The following C1orf159 variants were observed in gnomAD, a reference collection of about 807,000 sequenced individuals.
The protein encoded by C1orf159 is chromosome 1 open reading frame 159.
A neutral mutation model predicts 25.6 loss-of-function variants in C1orf159; 19 were observed. The observed-to-expected ratio is 0.74, with a 90% CI of 0.52 to 1.09. The LOEUF (loss-of-function observed/expected upper bound fraction) is 1.09, where lower values mean the gene tolerates loss of function less well. Ranked by LOEUF, C1orf159 falls within the 50% of genes least tolerant of loss-of-function variation. C1orf159 has a pLI of 0.00. For synonymous variants in C1orf159, 139 were observed against 124.7 expected, an observed-to-expected ratio of 1.12 and a Z score of -0.77; for missense variants, 274 against 290.6, an observed-to-expected ratio of 0.94 and a Z score of 0.42.
intron 1 of C1orf159, among the ~76,000 whole-genome samples, chr1:1,105,300 G>A (rs369784678): frequency 1.6e-4 from 24 of 151,682 alleles, no homozygotes; most frequent in African/African-American, 5.3e-4. Flanking sequence ...CTGGAGGATC[G>A]CTTGAGGGCA....
chr1:1,096,656 G>C (rs1447197659), intron 1 of C1orf159, among the ~76,000 whole-genome samples: 1 of 152,208 alleles, frequency 6.6e-6, no homozygotes, highest in African/African-American at 2.4e-5. Context: ...CTTTTGACAA[G>C]TTATATTCTT....
chr1:1,088,072 G>A (rs2100745071), intron 4 of C1orf159, among the ~76,000 whole-genome samples: 1 of 151,692 alleles, frequency 6.6e-6, no homozygotes, highest in Middle Eastern at 3.4e-3. Context: ...TGCAGGCTGG[G>A]CCCGGCTTCC....
chr1:1,104,590 G>A (rs572161351), intron 1 of C1orf159, among the ~76,000 whole-genome samples: 2 of 152,310 alleles, frequency 1.3e-5, no homozygotes, highest in Admixed American at 1.3e-4. Flanking sequence ...GTTTCTAGAC[G>A]GTGGGCGCTG....
intron 6 of C1orf159, among the ~76,000 whole-genome samples, chr1:1,086,446 C>T (rs1645831939): frequency 6.6e-6 from 1 of 152,224 alleles, no homozygotes; most frequent in Admixed American, 6.5e-5. Context: ...TCCTGCACCC[C>T]ACTCACCTCC....
intron 9 of C1orf159, chr1:1,083,630 G>A: frequency 2.1e-6 from 1 of 473,346 alleles, no homozygotes; most frequent in Non-Finnish European, 3.8e-6. Flanking sequence ...TGAACTCTAG[G>A]ATAGTCAGAT....
At chr1:1,091,948 C>A (rs1262955814) in intron 2 of C1orf159, 43 bp downstream of exon 2, 2 of 455,510 alleles carry the variant, frequency 4.4e-6, no homozygotes, top group South Asian at 3.2e-5. Flanking sequence ...AGGCTTGGGG[C>A]CTTTGGAGGC....
At chr1:1,090,985 T>C in intron 3 of C1orf159, 3 of 1,548,822 alleles carry the variant, frequency 1.9e-6, no homozygotes, top group Non-Finnish European at 2.6e-6. Context: ...TCTCGTGACC[T>C]GAATGCAGTG....
chr1:1,091,044 C>G, intron 3 of C1orf159: 2 of 1,377,982 alleles, frequency 1.5e-6, no homozygotes, highest in Non-Finnish European at 2.0e-6. Flanking sequence ...ATAGAATCCA[C>G]ACCGCCAGGG....
At chr1:1,102,621 A>T (rs1472216477) in intron 1 of C1orf159, among the ~76,000 whole-genome samples, 21 of 83,430 alleles carry the variant, frequency 2.5e-4, no homozygotes, top group East Asian at 3.4e-4. Context: ...TACTAAAAAA[A>T]AAAAAAAAAA....
intron 1 of C1orf159, among the ~76,000 whole-genome samples, chr1:1,096,888 T>C (rs1184765824): frequency 6.6e-6 from 1 of 152,100 alleles, no homozygotes; most frequent in Non-Finnish European, 1.5e-5. Context: ...CACACCTGGC[T>C]AATTTTTTGA....
rs564550849 is a variant in C1orf159 at position 1,088,507 on chromosome 1, C to T, written c.149-910G>A. Among the ~76,000 whole-genome samples the T allele has an allele frequency of 2.1e-4, 32 of 150,632 alleles. 1 individual carries two copies. The highest frequency in any genetic ancestry group is 7.3e-4 in the African/African-American group (30 of 40,908). On this transcript the variant is annotated intron_variant, in intron 4 of 9. Coordinates refer to ENST00000421241, the MANE Select transcript of C1orf159 (RefSeq NM_017891.5). ...TGTCACCTCCACACCCTGGCACCCTCCCCCGGGTCTCTCTCGGGGGATCCT... is the reference window on the plus strand; with the variant it reads ...TGTCACCTCCACACCCTGGCACCCTTCCCCGGGTCTCTCTCGGGGGATCCT...
intron 1 of C1orf159, among the ~76,000 whole-genome samples, chr1:1,095,363 G>A (rs1645996604): frequency 6.6e-6 from 1 of 152,178 alleles, no homozygotes; most frequent in African/African-American, 2.4e-5. Flanking sequence ...TCTCAGCAGT[G>A]TTTATAGTTT....
Position 1,091,565 on chromosome 1 carries a change from C to T in C1orf159, c.-22G>A. The T allele has an allele frequency of 6.5e-7, 1 of 1,546,570 alleles. No homozygotes were observed. The highest frequency in any genetic ancestry group is 8.7e-7 in the Non-Finnish European group (1 of 1,145,228). ...CCATGCCAGGAGCAGATGCGCAGAG[C>T]CTGCCACAGGGAGGAGCATGCGGAG... is the stretch of plus-strand genomic sequence containing the variant. On this transcript the variant is annotated splice_region_variant and 5_prime_UTR_variant, in exon 3 of 10. Transcript: ENST00000421241.
chr1:1,114,994 AAAC>A, intron 1 of C1orf159: 1 of 152,342 alleles, frequency 6.6e-6, no homozygotes, highest in Non-Finnish European at 1.5e-5. Context: ...CCAAGTAACC[AAAC>A]ACCACCTGTA....
Position 1,082,722 on chromosome 1 carries a change from G to C in C1orf159, c.*171C>G. Reference sequence around the variant, plus strand: ...CTGTGGTGGGGAGGAGCCTCAGGCGGCCCGGGACCCTTTGGCGTCCGTCGC... The same window carrying C: ...CTGTGGTGGGGAGGAGCCTCAGGCGCCCCGGGACCCTTTGGCGTCCGTCGC... On this transcript the variant is annotated 3_prime_UTR_variant, in exon 10 of 10. Transcript: ENST00000421241. 1.6e-6 allele frequency: 1 copy of C among 634,818 alleles called. No individual in the cohort carries two copies. The highest frequency in any genetic ancestry group is 2.8e-5 in the East Asian group (1 of 35,850). 39.3% of individuals were successfully genotyped at this position (634,818 alleles called of 1,614,324 possible).
At chr1:1,090,769 C>T (rs778295672) in intron 3 of C1orf159, 26 of 988,054 alleles carry the variant, frequency 2.6e-5, no homozygotes, top group Admixed American at 9.9e-5. Flanking sequence ...CAGGGGTTTC[C>T]GCTTGACCCC....
In C1orf159 at chr1:1,110,970, C is replaced by A. The variant is rs1646249747; in HGVS notation, c.-136+5090G>T. On this transcript the variant is annotated intron_variant, in intron 1 of 9. Coordinates refer to ENST00000421241, the MANE Select transcript of C1orf159 (RefSeq NM_017891.5). The surrounding 1 kb of genome is among the most constrained non-coding windows in gnomAD (Gnocchi z 4.8). ...GCTGGAGCAGCCTGCGAGGCAATCT[C>A]CATGGATCACAGGCAGATTCTACAT... is the stretch of plus-strand genomic sequence containing the variant. Among the ~76,000 whole-genome samples the A allele has an allele frequency of 6.6e-6, 1 of 152,248 alleles. No individual in the cohort carries two copies. The highest frequency in any genetic ancestry group is 2.1e-4 in the South Asian group (1 of 4,834).
intron 4 of C1orf159, among the ~76,000 whole-genome samples, chr1:1,088,557 C>T (rs1017788579): frequency 6.6e-6 from 1 of 151,316 alleles, no homozygotes; most frequent in Non-Finnish European, 1.5e-5. Context: ...CATCCCCCCG[C>T]CAGGCCGACG....
chr1:1,112,675 C>T (rs552793055), intron 1 of C1orf159, among the ~76,000 whole-genome samples: 3 of 152,216 alleles, frequency 2.0e-5, no homozygotes, highest in East Asian at 1.9e-4. Flanking sequence ...CGCATGCTCC[C>T]GCCCAAGTAC....
Sources: allele counts gnomAD v4.1 joint callset (sites outside exome capture counted in the v4.1 genomes callset), GRCh38; gene constraint gnomAD v4.1.1; non-coding constraint Gnocchi (gnomAD v3.1); transcripts MANE v1.5; gene names NCBI Gene and HGNC (gene_info 2026-07-23, HGNC 2026-07-21).